The following DUS4L variants were observed in gnomAD, a reference collection of about 807,000 sequenced individuals.
The protein encoded by DUS4L is tRNA-dihydrouridine(20a/20b) synthase [NAD(P)+]-like.
A neutral mutation model predicts 33.8 loss-of-function variants in DUS4L; 31 were observed. The ratio of observed to expected loss-of-function variants is 0.92; its 90% CI spans 0.69 to 1.24. The LOEUF (loss-of-function observed/expected upper bound fraction) is 1.24, where lower values mean the gene tolerates loss of function less well. Ranked by LOEUF, DUS4L falls within the 50% of genes most tolerant of loss-of-function variation. The pLI is 0.00. For missense variants in DUS4L, 368 were observed against 388.6 expected, an observed-to-expected ratio of 0.95 and a Z score of 0.45; for synonymous variants, 103 against 120.3, an observed-to-expected ratio of 0.86 and a Z score of 0.94.
At chr7:107,567,875 A>G (rs1804860571) in intron 3 of DUS4L, 3 of 351,538 alleles carry the variant, frequency 8.5e-6, no homozygotes, top group Non-Finnish European at 1.7e-5. Context: ...GGTACCTCAT[A>G]TAAGTCTTAT....
intron 5 of DUS4L, 138 bp downstream of exon 5, chr7:107,573,959 A>G: frequency 8.5e-7 from 1 of 1,172,890 alleles, no homozygotes; most frequent in East Asian, 3.1e-5. Flanking sequence ...ACAAGAAGGA[A>G]GAAAATATAG....
Position 107,576,438 on chromosome 7 carries a change from A to G in DUS4L, c.552A>G (p.Thr184=). The change falls in exon 7 of 8, where the codon ACA becomes ACG. Residue 184 remains threonine, a synonymous_variant. Transcript: ENST00000265720. Reference sequence around the variant, plus strand: ...AAGCAACAGGAGTTTCATGGATTACAGTCCATGGAAGAACTGCTGAAGAAA... The same window carrying G: ...AAGCAACAGGAGTTTCATGGATTACGGTCCATGGAAGAACTGCTGAAGAAA... ...KAEATGVSWI[T]VHGRTAEERH... 1 of 1,612,762 alleles carries G rather than the reference A, an allele frequency of 6.2e-7. No homozygotes were observed. Among genetic ancestry groups the G allele is most frequent in the Non-Finnish European group, 8.5e-7 (1 of 1,179,724 alleles).
chr7:107,567,144 G>T lies in DUS4L; in HGVS notation c.74G>T (p.Gly25Val), dbSNP rs756933796. The part of the protein sequence containing the change: ...KKDPIEMFHS[G>V]QLVKVCAPMV... ...GATCCCATAGAAATGTTTCATTCTGGACAGCTGGTAAAAGTCTGTGCCCCA... is the reference window on the plus strand; with the variant it reads ...GATCCCATAGAAATGTTTCATTCTGTACAGCTGGTAAAAGTCTGTGCCCCA... Residue 25 changes from glycine (G) to valine (V), a missense_variant, in exon 3 of 8, where the codon GGA (glycine) becomes GTA (valine). By Grantham distance (109) the Gly-to-Val change is moderately radical (BLOSUM62 -3). Transcript: ENST00000265720. The T allele has an allele frequency of 6.2e-7, 1 of 1,613,512 alleles. No homozygotes were observed. The highest frequency in any genetic ancestry group is 8.5e-7 in the Non-Finnish European group (1 of 1,179,696).
intron 6 of DUS4L, 70 bp downstream of exon 6, chr7:107,575,380 T>C: frequency 6.5e-7 from 1 of 1,547,896 alleles, no homozygotes. Flanking sequence ...ATTGCTTTTG[T>C]CTGATGCTGT....
chr7:107,576,339 C>G (rs1479927443), intron 6 of DUS4L, 27 bp from the exon 7 acceptor site: 3 of 1,588,066 alleles, frequency 1.9e-6, no homozygotes, highest in Non-Finnish European at 2.6e-6. Context: ...GTGCTGTGAA[C>G]AGATAAATGT....
chr7:107,564,265 G>C (rs1804326647), intron 1 of DUS4L, 56 bp downstream of exon 1: 2 of 533,040 alleles, frequency 3.8e-6, no homozygotes, highest in Admixed American at 3.2e-5. Flanking sequence ...TTAAACCTCA[G>C]AACAGGGGCC....
At position 107,577,426 on chromosome 7, in the gene DUS4L, C is replaced by G. The variant is rs757919802; in HGVS notation, c.820C>G (p.Pro274Ala). The G allele has an allele frequency of 5.0e-6, 8 of 1,613,896 alleles. No individual in the cohort carries two copies. The Admixed American group carries it at 1.3e-4, about 27-fold the overall frequency. Reference sequence around the variant, plus strand: ...TGACATTGCTCTTGAACTCGGGACTCCTTACATGTGTTTCCATCAACATTT... The same window carrying G: ...TGACATTGCTCTTGAACTCGGGACTGCTTACATGTGTTTCCATCAACATTT... ...WVDIALELGT[P>A]YMCFHQHLMY... Residue 274 changes from proline (P) to alanine (A), a missense_variant, in exon 8 of 8, where the codon CCT (proline) becomes GCT (alanine). Physicochemically the swap from Pro to Ala is conservative, Grantham distance 27 (BLOSUM62 -1). Coordinates refer to ENST00000265720, the MANE Select transcript of DUS4L (RefSeq NM_181581.3).
In DUS4L at chr7:107,575,214, C is replaced by T; in HGVS notation, c.383C>T (p.Ala128Val). The change falls in exon 6 of 8, where the codon GCT becomes GTT. Residue 128 changes from alanine to valine, a missense_variant. Transcript: ENST00000265720. ...QRWAMAEGYGACLINKPELVQ... is the reference protein window; with the variant it reads ...QRWAMAEGYGVCLINKPELVQ... The stretch of plus-strand genomic sequence containing the variant: ...TGGGCAATGGCAGAAGGTTATGGGG[C>T]TTGCTTAATAAACAAGCCAGAGCTT... The T allele has an allele frequency of 6.2e-7, 1 of 1,608,212 alleles. No individual in the cohort carries two copies. Among genetic ancestry groups the T allele is most frequent in the Non-Finnish European group, 8.5e-7 (1 of 1,178,036 alleles).
chr7:107,567,215 A>G (rs1473129052), intron 3 of DUS4L, 29 bp downstream of exon 3: 3 of 1,593,492 alleles, frequency 1.9e-6, no homozygotes, highest in Non-Finnish European at 2.6e-6. Context: ...TTAATGAACT[A>G]AGATGAAATT....
At chr7:107,565,614 C>T (rs955550474) in intron 2 of DUS4L, among the ~76,000 whole-genome samples, 6 of 152,138 alleles carry the variant, frequency 3.9e-5, no homozygotes, top group Non-Finnish European at 8.8e-5. Context: ...GCCTCAACCT[C>T]CTGGGCTCAA....
At chr7:107,576,877 G>C in intron 7 of DUS4L, 3 of 325,614 alleles carry the variant, frequency 9.2e-6, no homozygotes, top group Non-Finnish European at 1.7e-5. Context: ...AAAGCACCTA[G>C]AAATAAGAGT....
chr7:107,566,186 T>C (rs1160956809), intron 2 of DUS4L, among the ~76,000 whole-genome samples: 1 of 152,202 alleles, frequency 6.6e-6, no homozygotes, highest in African/African-American at 2.4e-5. Context: ...TTCAACTCCT[T>C]GCCTAAAGGT....
In DUS4L at chr7:107,577,367, A is replaced by C. The variant is rs752519926; in HGVS notation, c.761A>C (p.Glu254Ala). The C allele has an allele frequency of 1.2e-6, 2 of 1,614,188 alleles. No homozygotes were observed. The highest frequency in any genetic ancestry group is 1.7e-6 in the Non-Finnish European group (2 of 1,180,030). Residue 254 changes from glutamate to alanine, a missense_variant, in exon 8 of 8, where the codon GAG (glutamate) becomes GCG (alanine). Glu to Ala is a moderately radical substitution (Grantham distance 107, BLOSUM62 -1). Transcript: ENST00000265720. ...AACCCGGCCATGTTTGCTGGATATGAGGAAACCCCACTGAAATGCATCTGG... is the reference window on the plus strand; with the variant it reads ...AACCCGGCCATGTTTGCTGGATATGCGGAAACCCCACTGAAATGCATCTGG... Reference protein sequence around the residue: ...LANPAMFAGYEETPLKCIWDW... With the variant: ...LANPAMFAGYAETPLKCIWDW...
intron 2 of DUS4L, among the ~76,000 whole-genome samples, chr7:107,566,308 C>G (rs978625814): frequency 6.6e-6 from 1 of 152,044 alleles, no homozygotes; most frequent in Non-Finnish European, 1.5e-5. Context: ...ATACCTGTTT[C>G]TAAGTTACTG....
In DUS4L at chr7:107,576,755, A is replaced by C. The variant is rs1805793625; in HGVS notation, c.706+163A>C. ...TTATTAAAATGATGTTAAGTTTTCT[A>C]CCTAGAAAAACATGGATTATCTTAA... On this transcript the variant is annotated intron_variant, in intron 7 of 7. Coordinates refer to ENST00000265720, the MANE Select transcript of DUS4L (RefSeq NM_181581.3). The C allele has an allele frequency of 4.8e-6, 3 of 624,384 alleles. No homozygotes were observed. The Admixed American group carries it at 1.1e-4, about 23-fold the overall frequency. 38.7% of individuals were successfully genotyped at this position (624,384 alleles called of 1,614,324 possible).
In DUS4L at chr7:107,567,032, G is replaced by C. The variant is rs773862728; in HGVS notation, c.-21-18G>C. ...GTGAAAACATATTTTCTCTATACAA[G>C]CTTATTGTCTTTTTCAGATTTGAAA... On this transcript the variant is annotated intron_variant, in intron 2 of 7. Transcript: ENST00000265720. 5.2e-6 allele frequency: 8 copies of C among 1,526,674 alleles called. No individual in the cohort carries two copies. The South Asian group carries it at 9.3e-5, about 18-fold the overall frequency. 94.6% of individuals were successfully genotyped at this position (1,526,674 alleles called of 1,614,324 possible). A position where few individuals can be genotyped will look rare whatever the true frequency, so the allele number is the denominator to read the frequency against.
chr7:107,575,680 G>A (rs535804478), intron 6 of DUS4L: 19 of 168,498 alleles, frequency 1.1e-4, no homozygotes, highest in East Asian at 1.8e-4. Context: ...CAGTTTTTCC[G>A]TGACAGGTTG....
chr7:107,576,343 T>C (rs953372825), intron 6 of DUS4L, 23 bp from the exon 7 acceptor site: 2 of 1,594,778 alleles, frequency 1.3e-6, no homozygotes, highest in African/African-American at 1.4e-5. Flanking sequence ...TGTGAACAGA[T>C]AAATGTAATT....
Position 107,573,817 on chromosome 7 carries a change from C to A in DUS4L, c.352C>A (p.Gln118Lys), listed in dbSNP as rs1805485507. 6.5e-7 allele frequency: 1 copy of A among 1,535,098 alleles called. No individual in the cohort carries two copies. The highest frequency in any genetic ancestry group is 8.8e-7 in the Non-Finnish European group (1 of 1,139,280). Residue 118 changes from glutamine to lysine, a missense_variant, in exon 5 of 8, where the codon CAG becomes AAG. By Grantham distance (53) the Gln-to-Lys change is moderately conservative (BLOSUM62 1). Transcript: ENST00000265720. ...AATAGACATTAACTGTGGTTGCCCT[C>A]AGAGGTAAAGCTCAAAGAAGTTGGA... is the stretch of plus-strand genomic sequence containing the variant. Reference protein sequence around the residue: ...NGIDINCGCPQRWAMAEGYGA... With the variant: ...NGIDINCGCPKRWAMAEGYGA...
Sources: gnomAD v4.1 joint callset for allele counts (sites outside exome capture counted in the v4.1 genomes callset) on GRCh38, gnomAD v4.1.1 for gene constraint, MANE v1.5 for transcripts, NCBI Gene and HGNC (gene_info 2026-07-23, HGNC 2026-07-21) for gene names.